The following NEK3 variants were observed in gnomAD, a reference collection of about 807,000 sequenced individuals.
NEK3 encodes the protein NIMA related kinase 3, also known as serine/threonine-protein kinase Nek3.
In NEK3, 54 loss-of-function variants were observed where a neutral mutation model predicts 66.0. The observed-to-expected ratio is 0.82, with a 90% CI of 0.66 to 1.03. NEK3 has a LOEUF of 1.03. Among genes scored for constraint, NEK3 ranks in the 50% least tolerant of loss-of-function variants. NEK3 has a pLI of 0.00. For missense variants in NEK3, 593 were observed against 603.0 expected (o/e 0.98, Z 0.17); for synonymous variants, 200 against 206.2 (o/e 0.97, Z 0.26).
intron 11 of NEK3, among the ~76,000 whole-genome samples, chr13:52,137,213 T>A (rs1956213775): frequency 1.3e-5 from 2 of 152,138 alleles, no homozygotes. Flanking sequence ...ATTTGGTAAG[T>A]CTTTACTAAG....
intron 10 of NEK3, 39 bp from the exon 11 acceptor site, chr13:52,141,108 A>G: frequency 6.5e-7 from 1 of 1,535,158 alleles, no homozygotes; most frequent in Non-Finnish European, 8.9e-7. Flanking sequence ...GATAAAACAC[A>G]TAAAGGATCA....
chr13:52,156,838 GAA>G (rs1259478750), intron 1 of NEK3: 2 of 152,186 alleles, frequency 1.3e-5, no homozygotes, highest in Non-Finnish European at 1.5e-5. Context: ...AGAGGGCAGA[GAA>G]AAAATGTTTT....
At chr13:52,149,477 T>G (rs1268047084) in intron 7 of NEK3, among the ~76,000 whole-genome samples, 1 of 152,188 alleles carries the variant, frequency 6.6e-6, no homozygotes, top group Non-Finnish European at 1.5e-5. Flanking sequence ...TACAGAAAAG[T>G]TGCAATGTCC....
intron 11 of NEK3, among the ~76,000 whole-genome samples, chr13:52,139,956 C>CT (rs1271601721): frequency 6.7e-6 from 1 of 149,146 alleles, no homozygotes; most frequent in East Asian, 2.0e-4. Flanking sequence ...AATCCCAGCA[C>CT]TTTAAGAGGC....
In NEK3 at chr13:52,151,309, G is replaced by T; in HGVS notation, c.461+16C>A. The T allele has an allele frequency of 6.3e-7, 1 of 1,597,424 alleles. No individual in the cohort carries two copies. The highest frequency in any genetic ancestry group is 1.1e-5 in the South Asian group (1 of 88,006). Reference sequence around the variant, plus strand: ...TGTTTTGATTACTGTCACTACCGTAGAACAGACATACATACTTGGAGAGAA... The same window carrying T: ...TGTTTTGATTACTGTCACTACCGTATAACAGACATACATACTTGGAGAGAA... On this transcript the variant is annotated intron_variant, in intron 6 of 15. Transcript: ENST00000610828.
At chr13:52,133,392 TTGAC>T (rs1333246655) in intron 15 of NEK3, among the ~76,000 whole-genome samples, 166 bp from the exon 16 acceptor site, 1 of 152,174 alleles carries the variant, frequency 6.6e-6, no homozygotes, top group African/African-American at 2.4e-5. Context: ...GATCACTTCT[TTGAC>T]TGTTTCTAAA....
At chr13:52,150,646 T>C (rs1276436073) in intron 7 of NEK3, among the ~76,000 whole-genome samples, 1 of 127,598 alleles carries the variant, frequency 7.8e-6, no homozygotes, top group Non-Finnish European at 1.8e-5. Flanking sequence ...CATATTAACC[T>C]CCTGCAATCA....
At chr13:52,147,247 A>G (rs191704521) in intron 8 of NEK3, among the ~76,000 whole-genome samples, 3 of 152,200 alleles carry the variant, frequency 2.0e-5, no homozygotes, top group Non-Finnish European at 4.4e-5. Context: ...TACAATTACC[A>G]TATGACCCAG....
In NEK3 at chr13:52,151,318, T is replaced by TA. The variant is rs1490103500; in HGVS notation, c.461+6dup. 2.5e-6 allele frequency: 4 copies of TA among 1,598,452 alleles called. No homozygotes were observed. Among genetic ancestry groups the TA allele is most frequent in the Non-Finnish European group, 3.4e-6 (4 of 1,172,014 alleles). ...TACTGTCACTACCGTAGAACAGACA[T>TA]ACATACTTGGAGAGAAGACGGGCAG... On this transcript the variant is annotated splice_region_variant and intron_variant, in intron 6 of 15. Transcript: ENST00000610828.
At chr13:52,136,424 T>TA (rs758658106) in intron 12 of NEK3, among the ~76,000 whole-genome samples, 165 bp from the exon 13 acceptor site, 8 of 151,098 alleles carry the variant, frequency 5.3e-5, no homozygotes, top group Non-Finnish European at 8.9e-5. Flanking sequence ...CAAAGGAAAT[T>TA]TAAAAAAAAA....
chr13:52,134,633 A>G (rs1430044355), intron 14 of NEK3, among the ~76,000 whole-genome samples: 1 of 152,256 alleles, frequency 6.6e-6, no homozygotes, highest in African/African-American at 2.4e-5. Context: ...GCATTTCAAA[A>G]TAGCACTATG....
chr13:52,157,240 G>T (rs1956403078), intron 1 of NEK3: 1 of 152,222 alleles, frequency 6.6e-6, no homozygotes, highest in African/African-American at 2.4e-5. Flanking sequence ...GGGCAGGAAG[G>T]CCAGCTCAGA....
At chr13:52,154,054 A>ACATATCTGG (rs1956370804) in intron 3 of NEK3, 26 bp downstream of exon 3, 2 of 1,597,258 alleles carry the variant, frequency 1.3e-6, no homozygotes, top group Non-Finnish European at 1.7e-6. Flanking sequence ...TCAGAAATGC[A>ACATATCTGG]CATATCTGGG....
rs1268103287 is a variant in NEK3, at chr13:52,133,736, G to T, written c.1389C>A (p.Val463=). ...SDSVDGGHDS[V]ILDPERLEPG... ...GCTCAAGTCGCTCTGGATCCAAAAT[G>T]ACAGAATCGTGACCTCCATCAACAC... Residue 463 remains valine, a synonymous_variant, in exon 15 of 16, where the codon GTC becomes GTA. Transcript: ENST00000610828. 3 of 1,571,348 alleles carry T rather than the reference G, an allele frequency of 1.9e-6. No homozygotes were observed. Among genetic ancestry groups the T allele is most frequent in the Admixed American group, 1.9e-5 (1 of 53,216 alleles).
chr13:52,136,065 T>C, intron 13 of NEK3, 51 bp downstream of exon 13: 1 of 1,602,884 alleles, frequency 6.2e-7, no homozygotes, highest in Non-Finnish European at 8.5e-7. Flanking sequence ...ACTAAGTAAC[T>C]ATTAGAAAAA....
intron 4 of NEK3, among the ~76,000 whole-genome samples, chr13:52,152,985 TG>T (rs1449308706): frequency 2.0e-5 from 3 of 152,216 alleles, no homozygotes; most frequent in Non-Finnish European, 4.4e-5. Flanking sequence ...ATTTCTTAAA[TG>T]CTTATATAAA....
chr13:52,152,338 G>A (rs1956354345), intron 5 of NEK3, among the ~76,000 whole-genome samples: 2 of 152,076 alleles, frequency 1.3e-5, no homozygotes, highest in African/African-American at 4.8e-5. Context: ...AAGTACGTGA[G>A]GCAACAGATA....
Position 52,135,751 on chromosome 13 carries a change from T to C in NEK3, c.1287A>G (p.Gln429=). Residue 429 remains glutamine (Q), a synonymous_variant, in exon 14 of 16, where the codon CAA becomes CAG. Transcript: ENST00000610828. ...LKNADLSLAF[Q]TYTIYRPGSE... is the part of the protein sequence containing the mutation. Reference sequence around the variant, plus strand: ...TACCTGGTCTATATATTGTGTATGTTTGAAAAGCCAAGCTGAGATCAGCAT... The same window carrying C: ...TACCTGGTCTATATATTGTGTATGTCTGAAAAGCCAAGCTGAGATCAGCAT... The C allele has an allele frequency of 6.2e-7, 1 of 1,613,420 alleles. No individual in the cohort carries two copies. The highest frequency in any genetic ancestry group is 2.2e-5 in the East Asian group (1 of 44,870).
chr13:52,149,567 ATC>A (rs1956323335), intron 7 of NEK3, among the ~76,000 whole-genome samples: 2 of 151,934 alleles, frequency 1.3e-5, no homozygotes, highest in Admixed American at 1.3e-4. Flanking sequence ...ATCTATCTGA[ATC>A]TCCTGAAAAA....
Sources: allele counts gnomAD v4.1 joint callset (sites outside exome capture counted in the v4.1 genomes callset), GRCh38; gene constraint gnomAD v4.1.1; transcripts MANE v1.5; gene names NCBI Gene and HGNC (gene_info 2026-07-23, HGNC 2026-07-21).